Variants in NCALD observed in about 807,000 individuals in gnomAD.
The protein encoded by NCALD is neurocalcin delta.
In NCALD, 10 loss-of-function variants were observed where a neutral mutation model predicts 18.6. The observed-to-expected ratio is 0.54, with a 90% CI of 0.33 to 0.91. The LOEUF is 0.91. Among genes scored for constraint, NCALD ranks in the 40% least tolerant of loss-of-function variants. The pLI is 0.03. For synonymous variants in NCALD, 88 were observed against 87.4 expected (o/e 1.01, Z -0.04); for missense variants, 184 against 247.6 (o/e 0.74, Z 1.72).
intron 4 of NCALD, among the ~76,000 whole-genome samples, chr8:101,803,757 G>A (rs1369560712): frequency 6.6e-6 from 1 of 152,324 alleles, no homozygotes; most frequent in East Asian, 1.9e-4. Context: ...AACTGCAGAT[G>A]AAAGTGGTTT....
chr8:101,921,369 CTTTT>C (rs1329637229), intron 2 of NCALD, among the ~76,000 whole-genome samples: 2 of 151,370 alleles, frequency 1.3e-5, no homozygotes, highest in African/African-American at 2.4e-5. Flanking sequence ...TTCTAAAATC[CTTTT>C]TTATTAAAAA....
At chr8:101,812,798 C>A (rs1261507500) in intron 4 of NCALD, among the ~76,000 whole-genome samples, 1 of 152,144 alleles carries the variant, frequency 6.6e-6, no homozygotes, top group Non-Finnish European at 1.5e-5. Context: ...TCCTACAATT[C>A]CTCTTTAGAT....
At chr8:101,962,854 T>G (rs1405501174) in intron 2 of NCALD, among the ~76,000 whole-genome samples, 1 of 152,224 alleles carries the variant, frequency 6.6e-6, no homozygotes, top group Non-Finnish European at 1.5e-5. Context: ...GATATTATTT[T>G]GGGCTTATAA....
chr8:101,967,218 T>C (rs1449022227), intron 2 of NCALD, among the ~76,000 whole-genome samples: 1 of 152,194 alleles, frequency 6.6e-6, no homozygotes. Context: ...AGTTGATTCA[T>C]GAACAGTGTT....
At chr8:101,969,732 G>A (rs1820166780) in intron 2 of NCALD, among the ~76,000 whole-genome samples, 1 of 152,174 alleles carries the variant, frequency 6.6e-6, no homozygotes, top group South Asian at 2.1e-4. Flanking sequence ...ATTACATTTT[G>A]TGATACATCT....
chr8:101,958,709 C>T (rs1586826772), intron 2 of NCALD, among the ~76,000 whole-genome samples: 5 of 152,208 alleles, frequency 3.3e-5, no homozygotes, highest in Admixed American at 2.6e-4. Flanking sequence ...ATAACTCACC[C>T]AAGGACACTC....
intron 2 of NCALD, among the ~76,000 whole-genome samples, chr8:101,702,746 C>T (rs192938112): frequency 1.6e-3 from 241 of 152,316 alleles, no homozygotes; most frequent in Non-Finnish European, 2.4e-3. Context: ...CAGAAGTGGC[C>T]TCATGGATAT....
chr8:101,730,903 T>C (rs1410733050), intron 1 of NCALD, among the ~76,000 whole-genome samples: 2 of 152,074 alleles, frequency 1.3e-5, no homozygotes, highest in African/African-American at 4.8e-5. Flanking sequence ...GTAGTGGCAA[T>C]AGACATACAA....
At chr8:101,825,003 A>G (rs1813873689) in intron 4 of NCALD, among the ~76,000 whole-genome samples, 1 of 152,200 alleles carries the variant, frequency 6.6e-6, no homozygotes, top group African/African-American at 2.4e-5. Context: ...TATAGGCATC[A>G]TTTTGTTTCC....
At chr8:101,894,590 G>C (rs1817068517) in intron 3 of NCALD, among the ~76,000 whole-genome samples, 1 of 143,142 alleles carries the variant, frequency 7.0e-6, no homozygotes, top group South Asian at 2.2e-4. Context: ...TTTTTGAAAG[G>C]ATCAACAAAA....
intron 1 of NCALD, among the ~76,000 whole-genome samples, chr8:101,764,196 T>C (rs1383382266): frequency 6.6e-6 from 1 of 152,174 alleles, no homozygotes; most frequent in Non-Finnish European, 1.5e-5. Context: ...GCCATAAGAC[T>C]GGATGTGCTC....
intron 4 of NCALD, among the ~76,000 whole-genome samples, chr8:101,834,068 A>G (rs1255701355): frequency 6.6e-6 from 1 of 152,238 alleles, no homozygotes; most frequent in Admixed American, 6.5e-5. Flanking sequence ...GGCAACAAAG[A>G]TCTAGAAAGA....
chr8:101,732,582 T>C (rs1816883336), intron 1 of NCALD, among the ~76,000 whole-genome samples: 1 of 149,274 alleles, frequency 6.7e-6, no homozygotes, highest in African/African-American at 2.5e-5. Context: ...AGTATTTCTT[T>C]TTCTTTGCTT....
chr8:101,715,784 GT>G (rs969494050), intron 2 of NCALD, among the ~76,000 whole-genome samples: 2 of 152,204 alleles, frequency 1.3e-5, no homozygotes, highest in African/African-American at 4.8e-5. Context: ...TCTCATGCCA[GT>G]TAGAATGGTG....
intron 3 of NCALD, among the ~76,000 whole-genome samples, chr8:101,892,887 T>A (rs1445989157): frequency 6.7e-6 from 1 of 149,652 alleles, no homozygotes; most frequent in South Asian, 2.1e-4. Context: ...CTACATCTGA[T>A]TGGTGTACCA....
intron 1 of NCALD, among the ~76,000 whole-genome samples, chr8:102,061,964 G>A (rs140751027): frequency 1.3e-3 from 202 of 152,300 alleles, no homozygotes; most frequent in Middle Eastern, 6.8e-3. Flanking sequence ...CTAGACATGA[G>A]TCAAGAGAAG....
chr8:101,917,691 A>C (rs1428325884), intron 2 of NCALD, among the ~76,000 whole-genome samples: 1 of 152,188 alleles, frequency 6.6e-6, no homozygotes, highest in Non-Finnish European at 1.5e-5. Context: ...GACTATTATG[A>C]ACAATTCTAT....
intron 4 of NCALD, among the ~76,000 whole-genome samples, chr8:101,863,996 T>C (rs1318436301): frequency 6.6e-6 from 1 of 152,160 alleles, no homozygotes; most frequent in Non-Finnish European, 1.5e-5. Context: ...TTTTTAAATC[T>C]CCCCATGTGA....
chr8:102,011,536 C>T (rs149422825), intron 2 of NCALD, among the ~76,000 whole-genome samples: 52 of 152,266 alleles, frequency 3.4e-4, no homozygotes, highest in African/African-American at 1.2e-3. Flanking sequence ...ATCTTTGATG[C>T]AATGAATTAA....
Sources: gnomAD v4.1 joint callset for allele counts (sites outside exome capture counted in the v4.1 genomes callset) on GRCh38, gnomAD v4.1.1 for gene constraint, MANE v1.5 for transcripts, NCBI Gene and HGNC (gene_info 2026-07-23, HGNC 2026-07-21) for gene names.